Variants in GARIN6 observed in about 807,000 individuals in gnomAD.
GARIN6 encodes the protein golgi associated RAB2 interactor family member 6, also known as Golgi-associated RAB2 interactor protein 6.
the GARIN6 span, chr12:99,650,114 A>G: frequency 2.0e-5 from 3 of 152,318 alleles, no homozygotes; most frequent in Admixed American, 6.5e-5. Flanking sequence ...ATGGCAATTT[A>G]TGATCAGGCT....
chr12:99,648,768 G>T, the GARIN6 span: 1 of 1,612,162 alleles, frequency 6.2e-7, no homozygotes, highest in South Asian at 1.1e-5. Context: ...CTGTGTTGGA[G>T]GAAGTGCAGA....
chr12:99,648,367 C>A, the GARIN6 span: 1 of 1,614,138 alleles, frequency 6.2e-7, no homozygotes, highest in Admixed American at 1.7e-5. Flanking sequence ...CGTGCACAAC[C>A]GTGCCCGAAT....
chr12:99,649,693 TA>T, the GARIN6 span: 1 of 299,728 alleles, frequency 3.3e-6, no homozygotes, highest in East Asian at 7.3e-5. Context: ...ATTCTTGTCC[TA>T]AAAGGGTACT....
chr12:99,649,654 A>G, the GARIN6 span: 1 of 413,318 alleles, frequency 2.4e-6, no homozygotes, highest in Non-Finnish European at 4.4e-6. Context: ...TCCATGTCTT[A>G]ATCTTGTTAT....
chr12:99,648,501 T>C, the GARIN6 span: 10 of 1,613,874 alleles, frequency 6.2e-6, no homozygotes, highest in Non-Finnish European at 8.5e-6. Context: ...AAAGAGAAAG[T>C]CCGCCTGCAG....
the GARIN6 span, chr12:99,648,063 A>G: frequency 4.8e-6 from 7 of 1,443,562 alleles, 1 homozygote; most frequent in South Asian, 9.8e-5. Flanking sequence ...AGCCTGCAGA[A>G]CACGACTGCT....
At chr12:99,648,387 G>C in the GARIN6 span, 2 of 1,614,130 alleles carry the variant, frequency 1.2e-6, no homozygotes, top group Non-Finnish European at 1.7e-6. Flanking sequence ...TGGTAACAAT[G>C]GGCATCGTTC....
At chr12:99,647,770 G>T in the GARIN6 span, 1 of 205,472 alleles carries the variant, frequency 4.9e-6, no homozygotes, top group Non-Finnish European at 1.0e-5. Context: ...GATGGTTCAG[G>T]TTGGGAAGAA....
chr12:99,648,619 T>A, the GARIN6 span: 5 of 1,614,234 alleles, frequency 3.1e-6, no homozygotes, highest in Non-Finnish European at 4.2e-6. Flanking sequence ...CCGCTCTTTT[T>A]ATCTTCAGCT....
chr12:99,648,435 G>T, the GARIN6 span: 1 of 1,614,168 alleles, frequency 6.2e-7, no homozygotes, highest in South Asian at 1.1e-5. Flanking sequence ...ATGTCATGCT[G>T]CTGGCCCGAC....
chr12:99,649,533 G>T, the GARIN6 span: 1 of 663,406 alleles, frequency 1.5e-6, no homozygotes, highest in Admixed American at 2.7e-5. Context: ...CAGGTACCAT[G>T]GATGTGGCTG....
the GARIN6 span, chr12:99,648,401 C>T: frequency 6.2e-7 from 1 of 1,614,172 alleles, no homozygotes; most frequent in Non-Finnish European, 8.5e-7. Context: ...ATCGTTCGCA[C>T]CAGCCCCTGC....
the GARIN6 span, chr12:99,648,421 C>G: frequency 6.2e-7 from 1 of 1,614,190 alleles, no homozygotes. Context: ...CCTCACACTA[C>G]CTGATGTCAT....
the GARIN6 span, chr12:99,649,422 C>G: frequency 2.2e-5 from 35 of 1,577,612 alleles, no homozygotes; most frequent in Admixed American, 1.8e-4. Context: ...CCCACATATA[C>G]TACGTTCAAG....
the GARIN6 span, chr12:99,648,458 G>A: frequency 6.2e-7 from 1 of 1,614,168 alleles, no homozygotes; most frequent in Non-Finnish European, 8.5e-7. Context: ...GCTGCTGTCT[G>A]TGACAATGCC....
the GARIN6 span, chr12:99,649,425 C>T: frequency 1.5e-5 from 24 of 1,563,790 alleles, no homozygotes; most frequent in African/African-American, 2.7e-5. Context: ...ACATATACTA[C>T]GTTCAAGAGT....
chr12:99,648,009 T>C, the GARIN6 span: 1 of 932,820 alleles, frequency 1.1e-6, no homozygotes, highest in Non-Finnish European at 1.6e-6. Context: ...TGGTAATCAA[T>C]ACCCCACCCT....
chr12:99,648,180 G>C, the GARIN6 span: 6 of 1,611,502 alleles, frequency 3.7e-6, no homozygotes, highest in Non-Finnish European at 5.1e-6. Flanking sequence ...AAGACATGGA[G>C]GACTGCTGTA....
the GARIN6 span, chr12:99,649,477 A>T: frequency 8.6e-7 from 1 of 1,158,690 alleles, no homozygotes; most frequent in Non-Finnish European, 1.3e-6. Flanking sequence ...TGCCTGATGA[A>T]GGGGCAGGGT....
Sources: allele counts gnomAD v4.1 joint callset, GRCh38; gene constraint gnomAD v4.1.1; transcripts MANE v1.5; gene names NCBI Gene and HGNC (gene_info 2026-07-23, HGNC 2026-07-21).